Variants in TAFA2 observed in about 807,000 individuals in gnomAD.
TAFA2 encodes TAFA chemokine like family member 2.
Under a neutral mutation model 18.8 loss-of-function variants are expected in TAFA2, and 7 were observed. The observed-to-expected ratio is 0.37, with a 90% CI of 0.21 to 0.70. The LOEUF (loss-of-function observed/expected upper bound fraction) is 0.70. TAFA2 is among the 30% of genes least tolerant of loss of function. The pLI is 0.53. For missense variants in TAFA2, 122 were observed against 158.1 expected, an observed-to-expected ratio of 0.77 and a Z score of 1.23; for synonymous variants, 60 against 54.2, an observed-to-expected ratio of 1.11 and a Z score of -0.47.
chr12:62,112,302 G>C (rs1869768719), intron 1 of TAFA2, among the ~76,000 whole-genome samples: 1 of 152,170 alleles, frequency 6.6e-6, no homozygotes, highest in South Asian at 2.1e-4. Context: ...CTTTAAGAAT[G>C]TTGAATATTG....
chr12:62,213,560 T>C (rs1036414736), intron 1 of TAFA2, among the ~76,000 whole-genome samples: 1 of 151,774 alleles, frequency 6.6e-6, no homozygotes, highest in Non-Finnish European at 1.5e-5. Context: ...GGAGAATCAC[T>C]TGAACCCATG....
intron 1 of TAFA2, among the ~76,000 whole-genome samples, chr12:62,097,121 G>T (rs1868985452): frequency 6.6e-6 from 1 of 152,070 alleles, no homozygotes; most frequent in Non-Finnish European, 1.5e-5. Context: ...TAAGAATTAT[G>T]TCCCAAGCAC....
At chr12:61,880,162 C>A in intron 1 of TAFA2, 3 of 560,012 alleles carry the variant, frequency 5.4e-6, no homozygotes, top group Non-Finnish European at 9.9e-6. Context: ...AGGCTGACAG[C>A]ATGTACCAGA....
intron 1 of TAFA2, among the ~76,000 whole-genome samples, chr12:62,162,897 G>A (rs554010586): frequency 8.0e-4 from 121 of 152,018 alleles, no homozygotes; most frequent in Non-Finnish European, 1.2e-3. Flanking sequence ...CAGAGTTCAT[G>A]GAAGAAATGG....
At chr12:62,046,549 G>T (rs1393871455) in intron 1 of TAFA2, among the ~76,000 whole-genome samples, 1 of 151,988 alleles carries the variant, frequency 6.6e-6, no homozygotes, top group African/African-American at 2.4e-5. Flanking sequence ...TAAATGCCCT[G>T]ATTTTGGCTG....
intron 2 of TAFA2, among the ~76,000 whole-genome samples, chr12:61,833,785 G>A (rs1044395959): frequency 5.9e-5 from 9 of 151,794 alleles, no homozygotes; most frequent in East Asian, 3.9e-4. Flanking sequence ...ATTCAAAGAT[G>A]CCATAAACAT....
At chr12:61,984,297 A>G (rs906907633) in intron 1 of TAFA2, among the ~76,000 whole-genome samples, 6 of 152,260 alleles carry the variant, frequency 3.9e-5, no homozygotes, top group Non-Finnish European at 7.3e-5. Context: ...AGCCCAGTCC[A>G]TGCCCTCATG....
chr12:62,089,779 G>T (rs1418469921), intron 1 of TAFA2, among the ~76,000 whole-genome samples: 5 of 152,060 alleles, frequency 3.3e-5, no homozygotes, highest in Non-Finnish European at 5.9e-5. Context: ...GCTAGGTGAA[G>T]CCCACTATTT....
intron 1 of TAFA2, among the ~76,000 whole-genome samples, chr12:61,926,386 A>C (rs919678919): frequency 1.3e-5 from 2 of 152,230 alleles, no homozygotes; most frequent in African/African-American, 4.8e-5. Flanking sequence ...GCAGAGACAC[A>C]ACAAAATAAA....
chr12:61,983,015 A>G (rs1323243771), intron 1 of TAFA2, among the ~76,000 whole-genome samples: 1 of 152,004 alleles, frequency 6.6e-6, no homozygotes. Flanking sequence ...TTATTTTTAA[A>G]GGGTTTATTT....
intron 1 of TAFA2, among the ~76,000 whole-genome samples, chr12:61,957,700 T>C (rs1878745441): frequency 6.6e-6 from 1 of 152,098 alleles, no homozygotes; most frequent in Non-Finnish European, 1.5e-5. Flanking sequence ...TTTGCCACTC[T>C]ATACTCAGCT....
chr12:61,729,298 C>T (rs2120642500), intron 4 of TAFA2, among the ~76,000 whole-genome samples: 1 of 152,020 alleles, frequency 6.6e-6, no homozygotes, highest in South Asian at 2.1e-4. Flanking sequence ...TGAAAATTTT[C>T]CTCAATTATT....
At chr12:62,187,350 T>G (rs1592390629) in intron 1 of TAFA2, among the ~76,000 whole-genome samples, 1 of 152,306 alleles carries the variant, frequency 6.6e-6, no homozygotes, top group East Asian at 1.9e-4. Context: ...GTTGTCACAC[T>G]ATGCATACAG....
At chr12:61,733,493 C>T (rs1868255949) in intron 4 of TAFA2, among the ~76,000 whole-genome samples, 3 of 151,492 alleles carry the variant, frequency 2.0e-5, no homozygotes. Flanking sequence ...CTACATATGG[C>T]TAGCCAGTTT....
intron 2 of TAFA2, among the ~76,000 whole-genome samples, chr12:61,819,373 T>C (rs1357639697): frequency 1.3e-5 from 2 of 152,212 alleles, no homozygotes; most frequent in Non-Finnish European, 2.9e-5. Context: ...ACTGAATTTC[T>C]CACTTTTAAA....
intron 1 of TAFA2, among the ~76,000 whole-genome samples, chr12:61,885,375 C>A (rs972931142): frequency 2.0e-5 from 3 of 152,162 alleles, no homozygotes; most frequent in Non-Finnish European, 2.9e-5. Context: ...GGGTGCAGGG[C>A]AGCTTCATTC....
intron 1 of TAFA2, among the ~76,000 whole-genome samples, chr12:61,954,199 C>T (rs1266002149): frequency 1.3e-5 from 2 of 152,060 alleles, no homozygotes; most frequent in Non-Finnish European, 2.9e-5. Flanking sequence ...CATTTAGCTC[C>T]CACTTACAAG....
chr12:61,904,590 C>T (rs140254440), intron 1 of TAFA2, among the ~76,000 whole-genome samples: 83 of 152,040 alleles, frequency 5.5e-4, no homozygotes, highest in African/African-American at 1.9e-3. Flanking sequence ...ACTACTAATC[C>T]CATTGATGAT....
intron 2 of TAFA2, among the ~76,000 whole-genome samples, chr12:61,855,908 G>T (rs147530655): frequency 1.1e-3 from 174 of 151,970 alleles, no homozygotes; most frequent in African/African-American, 4.0e-3. Context: ...ACACCAAAAA[G>T]ATAAAAGCAT....
Sources: gnomAD v4.1 joint callset for allele counts (sites outside exome capture counted in the v4.1 genomes callset) on GRCh38, gnomAD v4.1.1 for gene constraint, MANE v1.5 for transcripts, NCBI Gene and HGNC (gene_info 2026-07-23, HGNC 2026-07-21) for gene names.